SLC7A6OS: variants seen among roughly 807,000 people sequenced by gnomAD.
SLC7A6OS encodes the protein probable RNA polymerase II nuclear localization protein SLC7A6OS.
A neutral mutation model predicts 34.3 loss-of-function variants in SLC7A6OS; 22 were observed. The observed-to-expected ratio is 0.64, with a 90% CI of 0.46 to 0.92. The LOEUF (loss-of-function observed/expected upper bound fraction) is 0.92, where lower values mean the gene tolerates loss of function less well. Among genes scored for constraint, SLC7A6OS ranks in the 40% least tolerant of loss-of-function variants. The pLI is 0.00. For missense variants in SLC7A6OS, 434 were observed against 407.7 expected, an observed-to-expected ratio of 1.06 and a Z score of -0.56; for synonymous variants, 199 against 165.0, an observed-to-expected ratio of 1.21 and a Z score of -1.58.
In SLC7A6OS at chr16:68,306,713, A is replaced by G. The variant is rs188783899; in HGVS notation, c.472-2481T>C. 1.8e-3 allele frequency among the ~76,000 whole-genome samples: 279 copies of G among 152,070 alleles called. 1 individual carries two copies. The highest frequency in any genetic ancestry group is 6.2e-3 in the African/African-American group (258 of 41,456). On this transcript the variant is annotated intron_variant, in intron 2 of 4. Transcript: ENST00000263997. ...TGCTATGTTGTTCAGGATGGTCTTGAACTTCAGGCCTCAAGCAATCCTCCT... is the reference window on the plus strand; with the variant it reads ...TGCTATGTTGTTCAGGATGGTCTTGGACTTCAGGCCTCAAGCAATCCTCCT...
At chr16:68,306,751 C>CA (rs2043329739) in intron 2 of SLC7A6OS, among the ~76,000 whole-genome samples, 1 of 152,180 alleles carries the variant, frequency 6.6e-6, no homozygotes, top group Non-Finnish European at 1.5e-5. Context: ...CTTAGCCTCC[C>CA]AAAGTGCTAG....
At chr16:68,304,912 G>T (rs1309521192) in intron 2 of SLC7A6OS, among the ~76,000 whole-genome samples, 1 of 152,136 alleles carries the variant, frequency 6.6e-6, no homozygotes, top group Non-Finnish European at 1.5e-5. Flanking sequence ...AATTAGCTGG[G>T]TGTGGTGGTG....
intron 2 of SLC7A6OS, among the ~76,000 whole-genome samples, chr16:68,307,177 C>T (rs977398378): frequency 6.6e-6 from 1 of 152,154 alleles, no homozygotes; most frequent in Non-Finnish European, 1.5e-5. Context: ...GTGCCATTTC[C>T]TGCATTTGAA....
rs1293245835 is a variant in SLC7A6OS at position 68,300,533 on chromosome 16, T to TAATC, written c.*738_*741dup. 4.8e-6 allele frequency: 4 copies of TAATC among 834,450 alleles called. No homozygotes were observed. The African/African-American group carries it at 7.4e-5, about 15-fold the overall frequency. 51.7% of individuals were successfully genotyped at this position (834,450 alleles called of 1,614,324 possible). Reference sequence around the variant, plus strand: ...CCTTGCCTTAAGTCCTTGGTATTTATAATCAATGCTGAACCTTCTATTTCA... The same window carrying TAATC: ...CCTTGCCTTAAGTCCTTGGTATTTATAATCAATCAATGCTGAACCTTCTATTTCA... On this transcript the variant is annotated 3_prime_UTR_variant, in exon 5 of 5. Coordinates refer to ENST00000263997, the MANE Select transcript of SLC7A6OS (RefSeq NM_032178.3).
chr16:68,301,141 G>A lies in SLC7A6OS; in HGVS notation c.*134C>T, dbSNP rs573386363. 25 of 1,445,988 alleles carry A rather than the reference G, an allele frequency of 1.7e-5. No homozygotes were observed. The highest frequency in any genetic ancestry group is 2.9e-5 in the African/African-American group (2 of 70,062). The allele number at this position is 1,445,988 out of a possible 1,614,324, so 89.6% of individuals were successfully genotyped here. ...GTTTTCACTGTGGTGGGATGGTGCC[G>A]CCCGATATGCTTGATATGCTTTTCC... On this transcript the variant is annotated 3_prime_UTR_variant, in exon 5 of 5. Transcript: ENST00000263997.
chr16:68,300,722 C>T lies in SLC7A6OS; in HGVS notation c.*553G>A. The T allele has an allele frequency of 1.0e-6, 1 of 985,502 alleles. No individual in the cohort carries two copies. Among genetic ancestry groups the T allele is most frequent in the Non-Finnish European group, 1.2e-6 (1 of 829,968 alleles). 61.0% of individuals were successfully genotyped at this position (985,502 alleles called of 1,614,324 possible). On this transcript the variant is annotated 3_prime_UTR_variant, in exon 5 of 5. Coordinates refer to ENST00000263997, the MANE Select transcript of SLC7A6OS (RefSeq NM_032178.3). Reference sequence around the variant, plus strand: ...CAGTCAGTAATTTCACAACCGTTATCAGAGTTTGGAAGCAGAAATAGCTGT... The same window carrying T: ...CAGTCAGTAATTTCACAACCGTTATTAGAGTTTGGAAGCAGAAATAGCTGT...
chr16:68,301,668 AT>A, intron 4 of SLC7A6OS: 1 of 280,358 alleles, frequency 3.6e-6, no homozygotes, highest in Non-Finnish European at 6.6e-6. Context: ...TCCGTATAGG[AT>A]TTTTTGTTGT....
rs1294652783 is a variant in SLC7A6OS, at chr16:68,298,349, T to C, written c.*2926A>G. 1 of 152,586 alleles carries C rather than the reference T, an allele frequency of 6.6e-6. No individual in the cohort carries two copies. Among genetic ancestry groups the C allele is most frequent in the East Asian group, 1.9e-4 (1 of 5,182 alleles). 9.5% of individuals were successfully genotyped at this position (152,586 alleles called of 1,614,324 possible). On this transcript the variant is annotated 3_prime_UTR_variant, in exon 5 of 5. Transcript: ENST00000263997. ...TTGGAGAACATCTCATGGGCCCAAG[T>C]CATCAAATAACCTGTTCCTCTCTGT...
rs1464956629 is a variant in SLC7A6OS at position 68,310,610 on chromosome 16, C to T, written c.196G>A (p.Glu66Lys). ...HLVATVCSQEEPVQPLLREVL... is the reference protein window; with the variant it reads ...HLVATVCSQEKPVQPLLREVL... ...TCCCGCAGGAGAGGCTGGACTGGTT[C>T]CTCCTAGGGGGCAACAGGGGACGGA... The change falls in exon 2 of 5, where the codon GAA becomes AAA. Residue 66 changes from glutamate to lysine, a missense_variant. Physicochemically the swap from Glu to Lys is moderately conservative, Grantham distance 56. Transcript: ENST00000263997. 1.3e-6 allele frequency: 2 copies of T among 1,595,762 alleles called. No homozygotes were observed. The highest frequency in any genetic ancestry group is 8.5e-7 in the Non-Finnish European group (1 of 1,170,430).
In SLC7A6OS at chr16:68,300,716, C is replaced by T. The variant is rs186630157; in HGVS notation, c.*559G>A. 2.4e-5 allele frequency: 24 copies of T among 985,484 alleles called. No individual in the cohort carries two copies. The highest frequency in any genetic ancestry group is 1.8e-4 in the Admixed American group (3 of 16,286). 61.0% of individuals were successfully genotyped at this position (985,484 alleles called of 1,614,324 possible). A position where few individuals can be genotyped will look rare whatever the true frequency, so the allele number is the denominator to read the frequency against. ...GGAAGTCAGTCAGTAATTTCACAACCGTTATCAGAGTTTGGAAGCAGAAAT... is the reference window on the plus strand; with the variant it reads ...GGAAGTCAGTCAGTAATTTCACAACTGTTATCAGAGTTTGGAAGCAGAAAT... On this transcript the variant is annotated 3_prime_UTR_variant, in exon 5 of 5. Transcript: ENST00000263997.
chr16:68,302,809 T>TA (rs2043294975), intron 3 of SLC7A6OS, among the ~76,000 whole-genome samples: 1 of 151,928 alleles, frequency 6.6e-6, no homozygotes, highest in Non-Finnish European at 1.5e-5. Context: ...AACCCAAGCG[T>TA]AAGAGGTGCG....
rs1392061459 is a variant in SLC7A6OS, at chr16:68,298,476, TGTCCCTGGCACCAG to T, written c.*2785_*2798del. The T allele has an allele frequency of 6.6e-6, 1 of 152,346 alleles. No individual in the cohort carries two copies. Among genetic ancestry groups the T allele is most frequent in the African/African-American group, 2.4e-5 (1 of 41,476 alleles). 9.4% of individuals were successfully genotyped at this position (152,346 alleles called of 1,614,324 possible). On this transcript the variant is annotated 3_prime_UTR_variant, in exon 5 of 5. Transcript: ENST00000263997. ...CCTCACATCAGGCTGCATCCTCTTC[TGTCCCTGGCACCAG>T]GCTTTGTTTACACTTGGAGCCACCT...
At position 68,300,773 on chromosome 16, in the gene SLC7A6OS, C is replaced by T. The variant is rs1409106200; in HGVS notation, c.*502G>A. The stretch of plus-strand genomic sequence containing the variant: ...TAACTAAAATCTCCCACTGCTCAGA[C>T]TACTTTCTGCCCTAATGGCCATTAC... On this transcript the variant is annotated 3_prime_UTR_variant, in exon 5 of 5. Transcript: ENST00000263997. 2 of 985,300 alleles carry T rather than the reference C, an allele frequency of 2.0e-6. No homozygotes were observed. The highest frequency in any genetic ancestry group is 6.1e-5 in the Admixed American group (1 of 16,274). The allele number at this position is 985,300 out of a possible 1,614,324, so 61.0% of individuals were successfully genotyped here. A position where few individuals can be genotyped will look rare whatever the true frequency, so the allele number is the denominator to read the frequency against.
In SLC7A6OS at chr16:68,310,887, T is replaced by G. The variant is rs1195364252; in HGVS notation, c.40A>C (p.Lys14Gln). The change falls in exon 1 of 5, where the codon AAG (lysine) becomes CAG (glutamine). Residue 14 changes from lysine to glutamine, a missense_variant. Lys to Gln is a moderately conservative substitution (Grantham distance 53). Transcript: ENST00000263997. ...ARTAVLRVKR[K>Q]RSAEPAEALV... ...GCCTCCGCCGGCTCCGCACTGCGCTTCCGCTTCACCCGGAGTACAGCGGTC... is the reference window on the plus strand; with the variant it reads ...GCCTCCGCCGGCTCCGCACTGCGCTGCCGCTTCACCCGGAGTACAGCGGTC... The G allele has an allele frequency of 3.7e-6, 6 of 1,605,178 alleles. No homozygotes were observed. The highest frequency in any genetic ancestry group is 2.7e-5 in the African/African-American group (2 of 74,774).
In SLC7A6OS at chr16:68,310,785, T is replaced by C. The variant is rs2151251448; in HGVS notation, c.142A>G (p.Arg48Gly). The C allele has an allele frequency of 6.2e-7, 1 of 1,613,656 alleles. No individual in the cohort carries two copies. ...AAQKTSEGLE[R>G]AAENNVFHLV... ...TGGAAGACATTATTCTCCGCCGCTCTCTCCAAACCCTCCGACGTCTTCTGT... is the reference window on the plus strand; with the variant it reads ...TGGAAGACATTATTCTCCGCCGCTCCCTCCAAACCCTCCGACGTCTTCTGT... The change falls in exon 1 of 5, where the codon AGA becomes GGA. Residue 48 changes from arginine (R) to glycine (G), a missense_variant. Coordinates refer to ENST00000263997, the MANE Select transcript of SLC7A6OS (RefSeq NM_032178.3).
intron 2 of SLC7A6OS, among the ~76,000 whole-genome samples, chr16:68,307,049 A>G (rs550984673): frequency 2.6e-5 from 4 of 152,320 alleles, no homozygotes; most frequent in South Asian, 2.1e-4. Flanking sequence ...ACTGTTAAAC[A>G]TATATATTTT....
At chr16:68,303,957 A>G in intron 3 of SLC7A6OS, 69 bp downstream of exon 3, 1 of 1,389,774 alleles carries the variant, frequency 7.2e-7, no homozygotes, top group Non-Finnish European at 1.0e-6. Context: ...AGCCCAGGGA[A>G]GCAAAGCATT....
At chr16:68,310,706 C>A in intron 1 of SLC7A6OS, 29 bp downstream of exon 1, 1 of 1,590,006 alleles carries the variant, frequency 6.3e-7, no homozygotes, top group Non-Finnish European at 8.6e-7. Flanking sequence ...CGAAGATGCC[C>A]TCCACACCAG....
chr16:68,303,461 C>G (rs2043302270), intron 3 of SLC7A6OS, among the ~76,000 whole-genome samples: 1 of 150,614 alleles, frequency 6.6e-6, no homozygotes, highest in Non-Finnish European at 1.5e-5. Context: ...TGCCTGTACT[C>G]CTGGCTGGCT....
Sources: gnomAD v4.1 joint callset for allele counts (sites outside exome capture counted in the v4.1 genomes callset) on GRCh38, gnomAD v4.1.1 for gene constraint, MANE v1.5 for transcripts, NCBI Gene and HGNC (gene_info 2026-07-23, HGNC 2026-07-21) for gene names.